The following PRCP variants were observed in gnomAD, a reference collection of about 807,000 sequenced individuals.
The protein encoded by PRCP is lysosomal Pro-X carboxypeptidase.
A neutral mutation model predicts 54.2 loss-of-function variants in PRCP; 46 were observed. The observed-to-expected ratio is 0.85, with a 90% CI of 0.67 to 1.09. PRCP has a LOEUF of 1.09. PRCP is among the 50% of genes least tolerant of loss of function. The probability of loss-of-function intolerance (pLI) is 0.00; values close to 1 mark genes in which losing one functional copy is unlikely to be tolerated. For missense variants in PRCP, 613 were observed against 596.8 expected, an observed-to-expected ratio of 1.03 and a Z score of -0.28; for synonymous variants, 240 against 212.2, an observed-to-expected ratio of 1.13 and a Z score of -1.14.
intron 1 of PRCP, among the ~76,000 whole-genome samples, chr11:82,879,406 G>T (rs1386462678): frequency 5.9e-5 from 9 of 152,174 alleles, no homozygotes; most frequent in Admixed American, 5.9e-4. Flanking sequence ...TCTCTATGCT[G>T]TTTATTCTAG....
rs894207732 is a variant in PRCP at position 82,835,039 on chromosome 11, G to C, written c.1274+3348C>G. Among the ~76,000 whole-genome samples the C allele has an allele frequency of 3.3e-4, 50 of 152,252 alleles. 1 individual carries two copies. Among genetic ancestry groups the C allele is most frequent in the African/African-American group, 1.0e-3 (43 of 41,564 alleles). ...AGATCATGCCATTGCACTTCAGCCT[G>C]GGCGACAAGAGCAAAACTCTATCTC... On this transcript the variant is annotated intron_variant, in intron 8 of 8. Transcript: ENST00000313010.
chr11:82,843,688 T>C lies in PRCP; in HGVS notation c.922-4263A>G, dbSNP rs545786406. Among the ~76,000 whole-genome samples, 10 of 152,336 alleles carry C rather than the reference T, an allele frequency of 6.6e-5. 1 individual carries two copies. The highest frequency in any genetic ancestry group is 6.8e-3 in the Middle Eastern group (2 of 294). ...CTAAACAATTTCTACATAAGGCGTG[T>C]CATTCCTACACATACTGTAAATGCG... On this transcript the variant is annotated intron_variant, in intron 6 of 8. Transcript: ENST00000313010.
At position 82,884,282 on chromosome 11, in the gene PRCP, G is replaced by A. The variant is rs571099423; in HGVS notation, c.168+15953C>T. ...CTTATCAAAAATATCATTTGTGCTG[G>A]GCACAGTGGTTCAGGCCTGTAATCC... On this transcript the variant is annotated intron_variant, in intron 1 of 8. Transcript: ENST00000313010. Among the ~76,000 whole-genome samples, 11 of 152,220 alleles carry A rather than the reference G, an allele frequency of 7.2e-5. No homozygotes were observed. In the South Asian group the frequency reaches 2.3e-3, roughly 32 times the overall value.
intron 1 of PRCP, among the ~76,000 whole-genome samples, chr11:82,886,307 C>T (rs777702763): frequency 6.6e-6 from 1 of 152,084 alleles, no homozygotes; most frequent in Non-Finnish European, 1.5e-5. Flanking sequence ...AATTTTTTGA[C>T]AGGGTGTCAT....
intron 2 of PRCP, among the ~76,000 whole-genome samples, chr11:82,853,829 T>C (rs568272198): frequency 6.6e-6 from 1 of 152,150 alleles, no homozygotes; most frequent in Non-Finnish European, 1.5e-5. Flanking sequence ...GCTTTATTCC[T>C]GGATGCAAGG....
intron 8 of PRCP, chr11:82,829,568 T>G (rs1203113532): frequency 3.9e-5 from 6 of 152,224 alleles, no homozygotes; most frequent in African/African-American, 1.2e-4. Flanking sequence ...CATTTTATAG[T>G]CCCCTTCCCC....
Position 82,859,961 on chromosome 11 carries a change from A to G in PRCP, c.309+16T>C. On this transcript the variant is annotated intron_variant, in intron 2 of 8. Coordinates refer to ENST00000313010, the MANE Select transcript of PRCP (RefSeq NM_005040.4). ...AAGTCAAATTGAGCACTGGAATTTC[A>G]TGAATCTGCACATACCGTGTTATTA... is the stretch of plus-strand genomic sequence containing the variant. 1 of 1,540,760 alleles carries G rather than the reference A, an allele frequency of 6.5e-7. No individual in the cohort carries two copies. The highest frequency in any genetic ancestry group is 1.7e-4 in the Middle Eastern group (1 of 5,864).
intron 8 of PRCP, chr11:82,836,838 G>A: frequency 2.8e-6 from 1 of 358,244 alleles, no homozygotes; most frequent in Non-Finnish European, 5.6e-6. Context: ...GTGAGCCACT[G>A]CATCCAGCCT....
intron 6 of PRCP, among the ~76,000 whole-genome samples, chr11:82,846,468 G>A (rs1226294360): frequency 6.6e-6 from 1 of 151,852 alleles, no homozygotes; most frequent in Non-Finnish European, 1.5e-5. Context: ...ACTTCTGGTG[G>A]GGTGCAGGCT....
chr11:82,879,767 C>T (rs1291418969), intron 1 of PRCP, among the ~76,000 whole-genome samples: 1 of 152,232 alleles, frequency 6.6e-6, no homozygotes, highest in Non-Finnish European at 1.5e-5. Flanking sequence ...TCGGGATCCT[C>T]AGCTGCAGGT....
intron 2 of PRCP, among the ~76,000 whole-genome samples, chr11:82,855,946 A>T (rs1003549655): frequency 1.3e-5 from 2 of 152,196 alleles, no homozygotes; most frequent in Non-Finnish European, 2.9e-5. Flanking sequence ...CAGTTTGGAG[A>T]TTTCCCAAAG....
intron 6 of PRCP, among the ~76,000 whole-genome samples, chr11:82,844,746 A>T (rs1036082958): frequency 1.4e-4 from 21 of 148,746 alleles, no homozygotes; most frequent in Non-Finnish European, 2.2e-4. Flanking sequence ...AAAAAAAAAA[A>T]AAAAGAAAGA....
chr11:82,825,131 G>GA lies in PRCP; in HGVS notation c.1275-10dup, dbSNP rs1858193960. ...GGTCTAGTTCACCATTGCTGCAAGT[G>GA]AAAAAAAGAAGAAAAAATAAAGTTG... On this transcript the variant is annotated splice_polypyrimidine_tract_variant and intron_variant, in intron 8 of 8. Transcript: ENST00000313010. 3 of 1,600,162 alleles carry GA rather than the reference G, an allele frequency of 1.9e-6. No individual in the cohort carries two copies. Among genetic ancestry groups the GA allele is most frequent in the Admixed American group, 1.7e-5 (1 of 57,662 alleles).
At chr11:82,861,459 T>G (rs772331862) in intron 1 of PRCP, among the ~76,000 whole-genome samples, 50 of 152,276 alleles carry the variant, frequency 3.3e-4, no homozygotes, top group South Asian at 4.1e-4. Flanking sequence ...AAAACATAAC[T>G]ACAATGGAAG....
At position 82,825,048 on chromosome 11, in the gene PRCP, A is replaced by G. The variant is rs1190133727; in HGVS notation, c.1349T>C (p.Ile450Thr). The G allele has an allele frequency of 6.2e-7, 1 of 1,614,068 alleles. No homozygotes were observed. The highest frequency in any genetic ancestry group is 1.7e-5 in the Admixed American group (1 of 59,998). Residue 450 changes from isoleucine to threonine, a missense_variant, in exon 9 of 9, where the codon ATC (isoleucine) becomes ACC (threonine). Coordinates refer to ENST00000313010, the MANE Select transcript of PRCP (RefSeq NM_005040.4). ...ATCTAAGTGGTGGGCCCCCTCTGAG[A>G]TGGTGACTGCAACCAGAGTGTCTGT... ...DITDTLVAVTISEGAHHLDLR... is the reference protein window; with the variant it reads ...DITDTLVAVTTSEGAHHLDLR...
intron 1 of PRCP, among the ~76,000 whole-genome samples, chr11:82,875,043 TA>T (rs1309064080): frequency 1.3e-5 from 2 of 151,670 alleles, no homozygotes; most frequent in African/African-American, 2.4e-5. Flanking sequence ...AAAACCTGTA[TA>T]AAAAAAGTTA....
At chr11:82,848,331 T>G (rs1210150098) in intron 6 of PRCP, among the ~76,000 whole-genome samples, 2 of 152,216 alleles carry the variant, frequency 1.3e-5, no homozygotes, top group African/African-American at 4.8e-5. Flanking sequence ...ACCTTAAAAT[T>G]TATACTGTAA....
chr11:82,844,508 G>A (rs1390608410), intron 6 of PRCP, among the ~76,000 whole-genome samples: 2 of 151,970 alleles, frequency 1.3e-5, no homozygotes, highest in East Asian at 3.9e-4. Context: ...AGGCTGAGGC[G>A]GGTGGATCAC....
intron 6 of PRCP, among the ~76,000 whole-genome samples, chr11:82,841,828 A>G (rs1024625714): frequency 2.0e-5 from 3 of 152,244 alleles, no homozygotes; most frequent in East Asian, 1.9e-4. Flanking sequence ...AAATATGTCA[A>G]TAAGAAATAA....
Sources: allele counts gnomAD v4.1 joint callset (sites outside exome capture counted in the v4.1 genomes callset), GRCh38; gene constraint gnomAD v4.1.1; transcripts MANE v1.5; gene names NCBI Gene and HGNC (gene_info 2026-07-23, HGNC 2026-07-21).